The following C7 variants were observed in gnomAD, a reference collection of about 807,000 sequenced individuals.
C7 encodes complement component C7.
A neutral mutation model predicts 104.8 loss-of-function variants in C7; 83 were observed. That is an observed-to-expected ratio of 0.79 (90% CI 0.66 to 0.95). The LOEUF (loss-of-function observed/expected upper bound fraction) is 0.95. C7 is among the 40% of genes least tolerant of loss of function. C7 has a pLI of 0.00. For synonymous variants in C7, 415 were observed against 360.6 expected (o/e 1.15, Z -1.71); for missense variants, 1,070 against 1,011.2 (o/e 1.06, Z -0.79).
At chr5:40,925,088 C>A (rs118163177) in intron 1 of C7, among the ~76,000 whole-genome samples, 15 of 152,190 alleles carry the variant, frequency 9.9e-5, no homozygotes, top group African/African-American at 3.6e-4. Context: ...TTCTCTGCTG[C>A]GTGGCCAGGC....
At chr5:40,940,551 A>C (rs1035551046) in intron 6 of C7, among the ~76,000 whole-genome samples, 2 of 152,204 alleles carry the variant, frequency 1.3e-5, no homozygotes, top group Non-Finnish European at 2.9e-5. Context: ...TCAAATTAAA[A>C]ACAAAAACAA....
chr5:40,957,378 T>C (rs1740308667), intron 10 of C7, among the ~76,000 whole-genome samples: 1 of 152,242 alleles, frequency 6.6e-6, no homozygotes, highest in Non-Finnish European at 1.5e-5. Context: ...GTTAAATCTC[T>C]CAGTCAGGAA....
At chr5:40,947,471 T>G in intron 7 of C7, 131 bp from the exon 8 acceptor site, 2 of 1,008,324 alleles carry the variant, frequency 2.0e-6, no homozygotes, top group South Asian at 1.5e-5. Context: ...TCATCATGCG[T>G]CAAAAATAAA....
At chr5:40,943,011 C>G (rs1401135279) in intron 6 of C7, among the ~76,000 whole-genome samples, 1 of 152,202 alleles carries the variant, frequency 6.6e-6, no homozygotes, top group African/African-American at 2.4e-5. Context: ...ACCCGCCCAC[C>G]TTGGCCTCCC....
At chr5:40,966,394 T>G (rs1740551951) in intron 14 of C7, among the ~76,000 whole-genome samples, 1 of 151,324 alleles carries the variant, frequency 6.6e-6, no homozygotes. Flanking sequence ...TTTTTTGAGA[T>G]GGAGTCTCTC....
intron 9 of C7, among the ~76,000 whole-genome samples, chr5:40,952,070 G>A (rs1406796186): frequency 6.6e-6 from 1 of 152,246 alleles, no homozygotes; most frequent in Non-Finnish European, 1.5e-5. Context: ...GCTTTGAGAA[G>A]ATGTTGACAT....
intron 12 of C7, among the ~76,000 whole-genome samples, chr5:40,960,508 G>A (rs1257042351): frequency 6.6e-6 from 1 of 152,142 alleles, no homozygotes; most frequent in Non-Finnish European, 1.5e-5. Flanking sequence ...AGAGGATGCT[G>A]GCTGCTGTGC....
rs1047026052 is a variant in C7, at chr5:40,930,988, C to T, written c.63-76C>T. The stretch of plus-strand genomic sequence containing the variant: ...TGAGGCAACATTTAACTATTTTTGA[C>T]TGTTTTCACTATTCTTTGTGTTCCC... On this transcript the variant is annotated intron_variant, in intron 2 of 17. Transcript: ENST00000313164. The T allele has an allele frequency of 1.4e-5, 14 of 976,084 alleles. No individual in the cohort carries two copies. The African/African-American group carries it at 2.3e-4, about 16-fold the overall frequency. The allele number at this position is 976,084 out of a possible 1,614,324, so 60.5% of individuals were successfully genotyped here. A position where few individuals can be genotyped will look rare whatever the true frequency, so the allele number is the denominator to read the frequency against.
intron 1 of C7, 75 bp from the exon 2 acceptor site, chr5:40,928,504 CA>C: frequency 1.2e-6 from 1 of 812,948 alleles, no homozygotes; most frequent in Non-Finnish European, 2.0e-6. Context: ...TAAATTTATA[CA>C]ATTATAAATT....
intron 6 of C7, among the ~76,000 whole-genome samples, chr5:40,941,315 C>T (rs968566061): frequency 1.4e-4 from 22 of 151,988 alleles, no homozygotes; most frequent in African/African-American, 5.1e-4. Context: ...CCACCCGCCT[C>T]GGCCTCCCAA....
At chr5:40,966,529 C>T (rs1408423979) in intron 14 of C7, among the ~76,000 whole-genome samples, 1 of 152,052 alleles carries the variant, frequency 6.6e-6, no homozygotes, top group Non-Finnish European at 1.5e-5. Context: ...CAGGTGCACA[C>T]CACCATGACC....
chr5:40,972,064 T>C (rs756164035), intron 14 of C7: 62 of 478,410 alleles, frequency 1.3e-4, no homozygotes, highest in South Asian at 9.6e-4. Context: ...GGAACATCAC[T>C]AGAGCACATA....
chr5:40,930,736 T>G (rs1739664865), intron 2 of C7, among the ~76,000 whole-genome samples: 1 of 151,862 alleles, frequency 6.6e-6, no homozygotes, highest in Admixed American at 6.6e-5. Context: ...CTAATTTTTT[T>G]TGTATTTTTA....
chr5:40,962,096 C>T lies in C7; in HGVS notation c.1673C>T (p.Pro558Leu), dbSNP rs1740433194. ...EELEHLRLLEPHCFPLSLVPT... is the reference protein window; with the variant it reads ...EELEHLRLLELHCFPLSLVPT... ...TTTTTTCCTTCCAGGTTGCTTGAAC[C>T]ACATTGCTTTCCTTTGTCTTTGGTT... Residue 558 changes from proline to leucine, a missense_variant, in exon 13 of 18, where the codon CCA becomes CTA. Transcript: ENST00000313164. The T allele has an allele frequency of 2.6e-6, 4 of 1,537,718 alleles. No homozygotes were observed. Among genetic ancestry groups the T allele is most frequent in the East Asian group, 2.3e-5 (1 of 43,418 alleles).
intron 13 of C7, chr5:40,964,392 C>T (rs2111682098): frequency 5.4e-6 from 1 of 186,648 alleles, no homozygotes; most frequent in Non-Finnish European, 1.1e-5. Context: ...TTCTCCAAAT[C>T]TAATAAAGAA....
chr5:40,945,330 A>C lies in C7; in HGVS notation c.700A>C (p.Ser234Arg). 1 of 1,608,122 alleles carries C rather than the reference A, an allele frequency of 6.2e-7. No individual in the cohort carries two copies. Among genetic ancestry groups the C allele is most frequent in the Non-Finnish European group, 8.5e-7 (1 of 1,177,984 alleles). The change falls in exon 7 of 18, where the codon AGT becomes CGT. Residue 234 changes from serine to arginine, a missense_variant. Coordinates refer to ENST00000313164, the MANE Select transcript of C7 (RefSeq NM_000587.4). ...TAGATCTTCATCATCTTCTTCACGC[A>C]GTTATACTTCACATACCAATGAAAT... The part of the protein sequence containing the change: ...FFRSSSSSSR[S>R]YTSHTNEIHK...
chr5:40,940,201 C>T (rs1420519663), intron 6 of C7, among the ~76,000 whole-genome samples: 1 of 152,172 alleles, frequency 6.6e-6, no homozygotes, highest in Non-Finnish European at 1.5e-5. Context: ...ACAGAATCGG[C>T]CAGTCTCTCT....
At chr5:40,946,779 TATC>T (rs1057373972) in intron 7 of C7, among the ~76,000 whole-genome samples, 2 of 151,918 alleles carry the variant, frequency 1.3e-5, no homozygotes, top group Non-Finnish European at 2.9e-5. Context: ...TATAAGAAAT[TATC>T]ATATAATTTC....
At chr5:40,974,497 G>T (rs1740771682) in intron 15 of C7, among the ~76,000 whole-genome samples, 1 of 150,652 alleles carries the variant, frequency 6.6e-6, no homozygotes, top group Non-Finnish European at 1.5e-5. Context: ...CTCACTGCAA[G>T]TTCTGCCTCC....
Sources: gnomAD v4.1 joint callset for allele counts (sites outside exome capture counted in the v4.1 genomes callset) on GRCh38, gnomAD v4.1.1 for gene constraint, MANE v1.5 for transcripts, NCBI Gene and HGNC (gene_info 2026-07-23, HGNC 2026-07-21) for gene names.